Variants in MIPOL1 observed in about 807,000 individuals in gnomAD.
The protein encoded by MIPOL1 is mirror-image polydactyly 1.
A neutral mutation model predicts 60.9 loss-of-function variants in MIPOL1; 57 were observed. The ratio of observed to expected loss-of-function variants is 0.94; its 90% CI spans 0.76 to 1.17. The LOEUF is 1.17. Ranked by LOEUF, MIPOL1 falls within the 50% of genes most tolerant of loss-of-function variation. The pLI is 0.00. For synonymous variants in MIPOL1, 179 were observed against 168.8 expected, an observed-to-expected ratio of 1.06 and a Z score of -0.47; for missense variants, 551 against 511.6, an observed-to-expected ratio of 1.08 and a Z score of -0.74.
intron 1 of MIPOL1, among the ~76,000 whole-genome samples, chr14:37,226,081 A>G (rs1455672625): frequency 6.6e-6 from 1 of 152,178 alleles, no homozygotes. Context: ...TTTATTGTCC[A>G]TATTGCTGTC....
chr14:37,317,971 G>A (rs1032770016), intron 9 of MIPOL1, among the ~76,000 whole-genome samples: 3 of 152,164 alleles, frequency 2.0e-5, no homozygotes, highest in South Asian at 4.1e-4. Context: ...AGAAATTAAG[G>A]TCTGAGAAGA....
intron 12 of MIPOL1, among the ~76,000 whole-genome samples, chr14:37,509,830 A>G: frequency 6.6e-6 from 1 of 151,736 alleles, no homozygotes; most frequent in East Asian, 2.0e-4. Context: ...ATGTATGTGT[A>G]TATACATATG....
At chr14:37,216,765 C>CT (rs1306660810) in intron 1 of MIPOL1, among the ~76,000 whole-genome samples, 1 of 151,898 alleles carries the variant, frequency 6.6e-6, no homozygotes, top group African/African-American at 2.4e-5. Context: ...ATAACAAAAC[C>CT]TATGGGATAC....
At position 37,397,252 on chromosome 14, in the gene MIPOL1, T is replaced by A. The variant is rs1429725535; in HGVS notation, c.937-25603T>A. Among the ~76,000 whole-genome samples the A allele has an allele frequency of 2.6e-5, 4 of 152,130 alleles. No individual in the cohort carries two copies. In the East Asian group the frequency reaches 7.8e-4, roughly 30 times the overall value. On this transcript the variant is annotated intron_variant, in intron 10 of 12. Transcript: ENST00000684589. The stretch of plus-strand genomic sequence containing the variant: ...CAGTGATTGTTATCTTTTTACTGGG[T>A]CTTGCCACCCAGCAAGCCTACCCGG...
At chr14:37,437,229 A>T (rs192886079) in intron 11 of MIPOL1, among the ~76,000 whole-genome samples, 1 of 152,244 alleles carries the variant, frequency 6.6e-6, no homozygotes, top group African/African-American at 2.4e-5. Flanking sequence ...ATTGAATCAC[A>T]ACTGAACAAT....
chr14:37,275,624 A>G (rs1188752629), intron 6 of MIPOL1, among the ~76,000 whole-genome samples: 3 of 151,100 alleles, frequency 2.0e-5, no homozygotes, highest in African/African-American at 7.3e-5. Context: ...TTGTTATTCT[A>G]TTAAATTCTA....
chr14:37,424,415 T>G (rs1023984494), intron 11 of MIPOL1, among the ~76,000 whole-genome samples: 1 of 152,000 alleles, frequency 6.6e-6, no homozygotes, highest in Non-Finnish European at 1.5e-5. Flanking sequence ...AAGACTGCCA[T>G]GTATCTACAA....
chr14:37,254,123 A>G (rs553817929), intron 3 of MIPOL1, among the ~76,000 whole-genome samples: 6 of 151,918 alleles, frequency 3.9e-5, no homozygotes, highest in Non-Finnish European at 7.4e-5. Flanking sequence ...GCAAGGATTG[A>G]TTCATTTCCT....
chr14:37,379,349 A>G (rs1350066267), intron 10 of MIPOL1, among the ~76,000 whole-genome samples: 2 of 152,070 alleles, frequency 1.3e-5, no homozygotes, highest in East Asian at 1.9e-4. Context: ...TAAAGCTAAA[A>G]CTATAAAACT....
rs529381056 is a variant in MIPOL1, at chr14:37,339,134, A to G, written c.829-30383A>G. Among the ~76,000 whole-genome samples the G allele has an allele frequency of 1.6e-4, 25 of 152,354 alleles. No homozygotes were observed. The South Asian group carries it at 4.8e-3, about 29-fold the overall frequency. On this transcript the variant is annotated intron_variant, in intron 9 of 12. Coordinates refer to ENST00000684589, the MANE Select transcript of MIPOL1 (RefSeq NM_001388067.1). ...ATTTAATCATGTATAAATTGATAATAAAAAGATACGCAAACAAAGAAAATG... is the reference window on the plus strand; with the variant it reads ...ATTTAATCATGTATAAATTGATAATGAAAAGATACGCAAACAAAGAAAATG...
At chr14:37,428,151 G>A (rs530051069) in intron 11 of MIPOL1, among the ~76,000 whole-genome samples, 25 of 152,224 alleles carry the variant, frequency 1.6e-4, no homozygotes, top group African/African-American at 5.5e-4. Flanking sequence ...GAATACAGCC[G>A]GCATGTATAC....
chr14:37,465,419 A>T (rs998031874), intron 11 of MIPOL1, among the ~76,000 whole-genome samples: 12 of 152,190 alleles, frequency 7.9e-5, no homozygotes, highest in African/African-American at 2.9e-4. Context: ...GCAAAAACAT[A>T]TATAAATATT....
chr14:37,355,093 G>A (rs965841593), intron 9 of MIPOL1, among the ~76,000 whole-genome samples: 2 of 148,468 alleles, frequency 1.3e-5, no homozygotes, highest in Admixed American at 6.8e-5. Flanking sequence ...CTCTTTTAGG[G>A]CAGGCCTGGT....
At chr14:37,226,567 C>T (rs761217051) in intron 1 of MIPOL1, among the ~76,000 whole-genome samples, 35 of 152,322 alleles carry the variant, frequency 2.3e-4, no homozygotes, top group Middle Eastern at 3.4e-3. Context: ...TCGATTTTCT[C>T]CCACTGGGTC....
chr14:37,454,726 G>A (rs918547511), intron 11 of MIPOL1, among the ~76,000 whole-genome samples: 9 of 152,174 alleles, frequency 5.9e-5, no homozygotes, highest in African/African-American at 2.2e-4. Context: ...AAAGAAGCAT[G>A]TATGTATAAA....
intron 12 of MIPOL1, among the ~76,000 whole-genome samples, chr14:37,525,104 T>C (rs1196650576): frequency 6.6e-6 from 1 of 152,160 alleles, no homozygotes; most frequent in African/African-American, 2.4e-5. Context: ...CTTAGAGAAT[T>C]ATTTGAAACT....
At chr14:37,266,709 C>T (rs149878576) in intron 3 of MIPOL1, among the ~76,000 whole-genome samples, 93 of 152,230 alleles carry the variant, frequency 6.1e-4, no homozygotes, top group African/African-American at 2.1e-3. Context: ...CATGACAGCC[C>T]CACAACTGCT....
intron 1 of MIPOL1, among the ~76,000 whole-genome samples, chr14:37,242,952 G>A (rs1470180035): frequency 6.6e-6 from 1 of 152,114 alleles, no homozygotes. Flanking sequence ...CTAGAAGAGA[G>A]AATTCTAGGC....
rs1374753501 is a variant in MIPOL1 at position 37,267,112 on chromosome 14, A to G, written c.194A>G (p.Gln65Arg). 1.9e-6 allele frequency: 3 copies of G among 1,613,960 alleles called. No individual in the cohort carries two copies. Among genetic ancestry groups the G allele is most frequent in the Non-Finnish European group, 2.5e-6 (3 of 1,179,948 alleles). The change falls in exon 4 of 13, where the codon CAG (glutamine) becomes CGG (arginine). Residue 65 changes from glutamine to arginine, a missense_variant. Gln to Arg is a conservative substitution (Grantham distance 43). Transcript: ENST00000684589. ...CCAGGGCAGAGATCAACGAATTTTC[A>G]GATCATCAGTTCTTATCCAGATGAT... ...EWPGQRSTNF[Q>R]IISSYPDDES...
Sources: gnomAD v4.1 joint callset for allele counts (sites outside exome capture counted in the v4.1 genomes callset) on GRCh38, gnomAD v4.1.1 for gene constraint, MANE v1.5 for transcripts, NCBI Gene and HGNC (gene_info 2026-07-23, HGNC 2026-07-21) for gene names.